The following CENPL variants were observed in gnomAD, a reference collection of about 807,000 sequenced individuals.
CENPL encodes the protein centromere protein L.
CENPL carries 20 observed loss-of-function variants against 35.2 expected under a neutral mutation model. The observed-to-expected ratio is 0.57, with a 90% CI of 0.40 to 0.83. The LOEUF (loss-of-function observed/expected upper bound fraction) is 0.83, where lower values mean the gene tolerates loss of function less well. Among genes scored for constraint, CENPL ranks in the 40% least tolerant of loss-of-function variants. CENPL has a pLI of 0.00. For synonymous variants in CENPL, 140 were observed against 140.6 expected (o/e 1.00, Z 0.03); for missense variants, 363 against 395.8 (o/e 0.92, Z 0.70).
At chr1:173,815,725 A>G (rs1334445177) in intron 2 of CENPL, among the ~76,000 whole-genome samples, 1 of 152,190 alleles carries the variant, frequency 6.6e-6, no homozygotes, top group Non-Finnish European at 1.5e-5. Context: ...CCCACCGCCA[A>G]TATCATACTG....
At chr1:173,820,885 G>C (rs1217103915) in intron 2 of CENPL, among the ~76,000 whole-genome samples, 2 of 152,182 alleles carry the variant, frequency 1.3e-5, no homozygotes, top group African/African-American at 4.8e-5. Context: ...ATCAGGGAAA[G>C]GGAAGAGGGT....
Position 173,803,456 on chromosome 1 carries a change from A to T in CENPL, c.470T>A (p.Leu157Gln). 1 of 1,609,366 alleles carries T rather than the reference A, an allele frequency of 6.2e-7. No individual in the cohort carries two copies. Among genetic ancestry groups the T allele is most frequent in the Non-Finnish European group, 8.5e-7 (1 of 1,176,686 alleles). ...LPSENREGKV[L>Q]WTGWFCCVFG... ...TACACAGCAGAACCAGCCAGTCCAC[A>T]GCACTTTACCTTCTCTATTCTCAGA... The change falls in exon 5 of 6, where the codon CTG becomes CAG. Residue 157 changes from leucine (L) to glutamine (Q), a missense_variant. By Grantham distance (113) the Leu-to-Gln change is moderately radical (BLOSUM62 -2). Coordinates refer to ENST00000682279, the MANE Select transcript of CENPL (RefSeq NM_001387287.1).
intron 2 of CENPL, 59 bp from the exon 3 acceptor site, chr1:173,811,365 A>T: frequency 1.8e-6 from 2 of 1,127,058 alleles, no homozygotes; most frequent in Non-Finnish European, 2.6e-6. Flanking sequence ...TCATGCTTAC[A>T]GTTTCACTGA....
chr1:173,806,852 G>C (rs1353271225), intron 4 of CENPL, among the ~76,000 whole-genome samples: 4 of 151,778 alleles, frequency 2.6e-5, no homozygotes, highest in Admixed American at 6.6e-5. Context: ...AGAGTAACCT[G>C]GCATGAAGTA....
chr1:173,806,351 CA>C, intron 4 of CENPL: 1 of 339,806 alleles, frequency 2.9e-6, no homozygotes, highest in South Asian at 2.1e-5. Flanking sequence ...TTTGGGAGGC[CA>C]AGGTGGGTGG....
chr1:173,805,763 A>G (rs1269492820), intron 4 of CENPL, among the ~76,000 whole-genome samples: 1 of 152,192 alleles, frequency 6.6e-6, no homozygotes, highest in Non-Finnish European at 1.5e-5. Context: ...AAAACCATGC[A>G]CTAAGGAGAA....
intron 3 of CENPL, 97 bp from the exon 4 acceptor site, chr1:173,807,615 AG>A: frequency 9.7e-7 from 1 of 1,033,732 alleles, no homozygotes; most frequent in South Asian, 2.2e-5. Flanking sequence ...TATATTATTG[AG>A]TACCTGATTT....
At chr1:173,820,219 T>C (rs915530452) in intron 2 of CENPL, among the ~76,000 whole-genome samples, 6 of 152,194 alleles carry the variant, frequency 3.9e-5, no homozygotes, top group Non-Finnish European at 8.8e-5. Flanking sequence ...AGATTCACGT[T>C]ATGGGGCATT....
At chr1:173,821,708 T>G (rs1651963795) in intron 2 of CENPL, 1 of 151,942 alleles carries the variant, frequency 6.6e-6, no homozygotes, top group African/African-American at 2.4e-5. Flanking sequence ...CTTGGCTCAA[T>G]ATATTACTGT....
intron 4 of CENPL, among the ~76,000 whole-genome samples, chr1:173,804,759 A>G (rs943674219): frequency 6.8e-6 from 1 of 146,042 alleles, no homozygotes; most frequent in Non-Finnish European, 1.5e-5. Context: ...ATATTTTATT[A>G]TATTTTTAGC....
intron 2 of CENPL, among the ~76,000 whole-genome samples, chr1:173,817,733 T>C (rs1013438337): frequency 6.6e-5 from 10 of 152,122 alleles, no homozygotes; most frequent in South Asian, 2.1e-4. Context: ...CTATTCACAA[T>C]AGCAAAGACT....
intron 4 of CENPL, 131 bp from the exon 5 acceptor site, chr1:173,803,636 A>C: frequency 2.6e-6 from 2 of 783,142 alleles, no homozygotes; most frequent in South Asian, 2.0e-5. Flanking sequence ...TAGAGGGAAT[A>C]GTCTCCCTAA....
At position 173,803,163 on chromosome 1, in the gene CENPL, C is replaced by T. The variant is rs779634048; in HGVS notation, c.763G>A (p.Ala255Thr). The part of the protein sequence containing the change: ...CSPQSLDISF[A>T]IHPEDAKALW... The stretch of plus-strand genomic sequence containing the variant: ...GCTTTTGCATCCTCTGGATGTATTG[C>T]GAAAGAAATGTCCAGACTTTGAGGG... Residue 255 changes from alanine to threonine, a missense_variant, in exon 5 of 6, where the codon GCA becomes ACA. Transcript: ENST00000682279. 2.5e-5 allele frequency: 41 copies of T among 1,613,474 alleles called. No homozygotes were observed. Among genetic ancestry groups the T allele is most frequent in the Admixed American group, 1.3e-4 (8 of 59,984 alleles).
At chr1:173,810,713 G>A (rs1379234029) in intron 3 of CENPL, among the ~76,000 whole-genome samples, 2 of 152,060 alleles carry the variant, frequency 1.3e-5, no homozygotes, top group Admixed American at 6.6e-5. Context: ...AAGGTCAGGA[G>A]ATCGAGACCA....
intron 2 of CENPL, among the ~76,000 whole-genome samples, chr1:173,813,009 C>G (rs1338496131): frequency 6.6e-6 from 1 of 152,102 alleles, no homozygotes; most frequent in Non-Finnish European, 1.5e-5. Context: ...AACCATGGCA[C>G]AAGAACTTCA....
At chr1:173,816,916 G>T (rs932637866) in intron 2 of CENPL, among the ~76,000 whole-genome samples, 1 of 152,136 alleles carries the variant, frequency 6.6e-6, no homozygotes, top group African/African-American at 2.4e-5. Flanking sequence ...GAGGCGGGTG[G>T]ATCACAAGGT....
At chr1:173,815,278 T>C (rs929116695) in intron 2 of CENPL, among the ~76,000 whole-genome samples, 1 of 152,234 alleles carries the variant, frequency 6.6e-6, no homozygotes, top group African/African-American at 2.4e-5. Flanking sequence ...CTGGTACCAT[T>C]CCTTCTGAAA....
At position 173,800,432 on chromosome 1, in the gene CENPL, T is replaced by C. The variant is rs758510452; in HGVS notation, c.*16A>G. ...ATAAGAGTATATAATCTATAACTTATAGTCCACATAAGGCTTCACTCAATT... is the reference window on the plus strand; with the variant it reads ...ATAAGAGTATATAATCTATAACTTACAGTCCACATAAGGCTTCACTCAATT... On this transcript the variant is annotated 3_prime_UTR_variant, in exon 6 of 6. Transcript: ENST00000682279. The C allele has an allele frequency of 9.5e-7, 1 of 1,050,572 alleles. No individual in the cohort carries two copies. The highest frequency in any genetic ancestry group is 1.3e-5 in the South Asian group (1 of 76,790). 65.1% of individuals were successfully genotyped at this position (1,050,572 alleles called of 1,614,324 possible).
chr1:173,823,208 A>G (rs946103693), intron 2 of CENPL: 29 of 152,160 alleles, frequency 1.9e-4, no homozygotes, highest in African/African-American at 7.0e-4. Flanking sequence ...ATCCCATAAC[A>G]GTTCCCACAC....
Sources: gnomAD v4.1 joint callset for allele counts (sites outside exome capture counted in the v4.1 genomes callset) on GRCh38, gnomAD v4.1.1 for gene constraint, MANE v1.5 for transcripts, NCBI Gene and HGNC (gene_info 2026-07-23, HGNC 2026-07-21) for gene names.